The following FILIP1 variants were observed in gnomAD, a reference collection of about 807,000 sequenced individuals.
The protein encoded by FILIP1 is filamin-A-interacting protein 1.
Under a neutral mutation model 102.1 loss-of-function variants are expected in FILIP1, and 61 were observed. The ratio of observed to expected loss-of-function variants is 0.60; its 90% confidence interval spans 0.49 to 0.74. The LOEUF (loss-of-function observed/expected upper bound fraction) is 0.74, where lower values mean the gene tolerates loss of function less well. Among genes scored for constraint, FILIP1 ranks in the 30% least tolerant of loss-of-function variants. The pLI is 0.00. For missense variants in FILIP1, 1,314 were observed against 1,441.2 expected (o/e 0.91, Z 1.43); for synonymous variants, 491 against 526.9 (o/e 0.93, Z 0.93).
rs112576613 is a variant in FILIP1 at position 75,324,150 on chromosome 6, G to A, written c.630-8948C>T. Reference sequence around the variant, plus strand: ...GATCCTATACCTAGAAAATCCTAAAGACTCATCCAGAAAGCTTCTAGATCT... The same window carrying A: ...GATCCTATACCTAGAAAATCCTAAAAACTCATCCAGAAAGCTTCTAGATCT... On this transcript the variant is annotated intron_variant, in intron 4 of 5. Transcript: ENST00000237172. 4.7e-3 allele frequency among the ~76,000 whole-genome samples: 718 copies of A among 152,092 alleles called. 12 individuals are homozygous for A. The highest frequency in any genetic ancestry group is 0.016 in the African/African-American group (680 of 41,488).
intron 4 of FILIP1, among the ~76,000 whole-genome samples, chr6:75,316,648 G>A (rs1773458958): frequency 6.6e-6 from 1 of 152,076 alleles, no homozygotes; most frequent in Admixed American, 6.5e-5. Flanking sequence ...TTTTTTCATA[G>A]AATTTACTTT....
At chr6:75,318,080 C>CA (rs1412290580) in intron 4 of FILIP1, among the ~76,000 whole-genome samples, 4 of 151,024 alleles carry the variant, frequency 2.6e-5, no homozygotes, top group African/African-American at 9.7e-5. Context: ...CTCCCTGCTC[C>CA]TTTTTTTTTC....
At chr6:75,358,547 C>A (rs913070652) in intron 3 of FILIP1, 2 of 152,018 alleles carry the variant, frequency 1.3e-5, no homozygotes, top group African/African-American at 4.8e-5. Context: ...GGGGGCCCTT[C>A]CCGTGAAGAC....
At position 75,441,570 on chromosome 6, in the gene FILIP1, C is replaced by T. The variant is rs550767467; in HGVS notation, c.-6-26592G>A. Among the ~76,000 whole-genome samples the T allele has an allele frequency of 3.8e-4, 57 of 151,958 alleles. No homozygotes were observed. In the South Asian group the frequency reaches 0.011, roughly 29 times the overall value. On this transcript the variant is annotated intron_variant, in intron 1 of 5. Transcript: ENST00000237172. The stretch of plus-strand genomic sequence containing the variant: ...CAGTAGGGGCGGCCGGGCAGAGGCG[C>T]CCCTCTCCTCCCGGACGGGGCGGCT...
rs550331660 is a variant in FILIP1 at position 75,389,397 on chromosome 6, A to T, written c.276+25300T>A. Among the ~76,000 whole-genome samples, 14 of 152,310 alleles carry T rather than the reference A, an allele frequency of 9.2e-5. No homozygotes were observed. The South Asian group carries it at 2.9e-3, about 32-fold the overall frequency. On this transcript the variant is annotated intron_variant, in intron 2 of 5. Transcript: ENST00000237172. The stretch of plus-strand genomic sequence containing the variant: ...TGATGGTGGCCTCATAAAATGAGTT[A>T]CGAAGGAGTCCCTCTTTTTCTATTG...
Position 75,489,060 on chromosome 6 carries a change from TTAATAA to T in FILIP1, c.-7+4348_-7+4353del, listed in dbSNP as rs555584152. ...AGGAGAGAAATAAAGAATGATAAAT[TTAATAA>T]TGTGTTCTTGCATGGAGGAGGAAGT... On this transcript the variant is annotated intron_variant, in intron 1 of 5. Coordinates refer to ENST00000237172, the MANE Select transcript of FILIP1 (RefSeq NM_015687.5). 2.4e-4 allele frequency among the ~76,000 whole-genome samples: 36 copies of T among 152,236 alleles called. No homozygotes were observed. The South Asian group carries it at 7.5e-3, about 32-fold the overall frequency.
intron 1 of FILIP1, among the ~76,000 whole-genome samples, chr6:75,470,173 G>C (rs1779288736): frequency 6.6e-6 from 1 of 151,782 alleles, no homozygotes; most frequent in Non-Finnish European, 1.5e-5. Context: ...ATAATCAAAG[G>C]AAAAACTTCT....
intron 1 of FILIP1, among the ~76,000 whole-genome samples, chr6:75,463,235 TC>T (rs1779075482): frequency 2.0e-5 from 3 of 152,246 alleles, no homozygotes; most frequent in Admixed American, 6.5e-5. Flanking sequence ...TACCCCCCTT[TC>T]CCTAACTTCT....
chr6:75,460,936 C>A (rs1340413057), intron 1 of FILIP1, among the ~76,000 whole-genome samples: 1 of 152,116 alleles, frequency 6.6e-6, no homozygotes, highest in Non-Finnish European at 1.5e-5. Flanking sequence ...TGATTTGTAA[C>A]AAAACGTTTA....
intron 1 of FILIP1, among the ~76,000 whole-genome samples, chr6:75,423,318 G>A (rs1777528062): frequency 6.6e-6 from 1 of 152,040 alleles, no homozygotes. Flanking sequence ...CAATAGCATT[G>A]AACCATTTCT....
Position 75,414,721 on chromosome 6 carries a change from G to GAGTA in FILIP1, c.248_251dup (p.Ser85ThrfsTer26), listed in dbSNP as rs752141570. On this transcript the variant is annotated frameshift_variant, in exon 2 of 6. Transcript: ENST00000237172. LOFTEE classifies it high-confidence loss of function. ...CCTGCAACTCCCCTTCCATTATACT[G>GAGTA]AGTAGTTGGATGAGGTCTTCTTTGG... The GAGTA allele has an allele frequency of 2.5e-5, 40 of 1,613,510 alleles. No homozygotes were observed. The highest frequency in any genetic ancestry group is 3.2e-5 in the Non-Finnish European group (38 of 1,179,694).
At position 75,415,759 on chromosome 6, in the gene FILIP1, G is replaced by C. The variant is rs1287803582; in HGVS notation, c.-6-781C>G. On this transcript the variant is annotated intron_variant, in intron 1 of 5. Coordinates refer to ENST00000237172, the MANE Select transcript of FILIP1 (RefSeq NM_015687.5). Reference sequence around the variant, plus strand: ...AATTTCAAAATCAAAACTTAAAACAGTATTTTGAGGTAAAATAAGGAAAAA... The same window carrying C: ...AATTTCAAAATCAAAACTTAAAACACTATTTTGAGGTAAAATAAGGAAAAA... 2.0e-5 allele frequency among the ~76,000 whole-genome samples: 3 copies of C among 152,036 alleles called. No homozygotes were observed. In the East Asian group the frequency reaches 5.8e-4, roughly 29 times the overall value.
intron 4 of FILIP1, among the ~76,000 whole-genome samples, chr6:75,337,348 C>A (rs188117287): frequency 6.6e-6 from 1 of 152,112 alleles, no homozygotes; most frequent in Non-Finnish European, 1.5e-5. Context: ...GCATCATGAC[C>A]TGACCAAGTG....
chr6:75,374,215 A>G (rs1228773863), intron 2 of FILIP1, among the ~76,000 whole-genome samples: 1 of 152,144 alleles, frequency 6.6e-6, no homozygotes, highest in African/African-American at 2.4e-5. Flanking sequence ...AGGTTCCCCC[A>G]TGCAGTGCTA....
chr6:75,319,801 G>T, intron 4 of FILIP1: 2 of 336,922 alleles, frequency 5.9e-6, no homozygotes, highest in Non-Finnish European at 1.1e-5. Context: ...CTGCACTCCA[G>T]CCTGGGCAAC....
intron 1 of FILIP1, among the ~76,000 whole-genome samples, chr6:75,479,828 C>T (rs887114469): frequency 7.3e-6 from 1 of 137,374 alleles, no homozygotes; most frequent in Non-Finnish European, 1.5e-5. Context: ...AAGATCGTAC[C>T]GCTACACTCC....
intron 4 of FILIP1, among the ~76,000 whole-genome samples, chr6:75,323,970 AT>A (rs1773747633): frequency 6.6e-6 from 1 of 152,112 alleles, no homozygotes; most frequent in Non-Finnish European, 1.5e-5. Flanking sequence ...TTTCACCATG[AT>A]TATAAGTTTC....
intron 2 of FILIP1, among the ~76,000 whole-genome samples, chr6:75,370,309 G>A (rs61134810): frequency 0.011 from 1,694 of 152,250 alleles, 38 homozygotes; most frequent in African/African-American, 0.039. Flanking sequence ...GAGCTGCTGT[G>A]AGGACTGTGA....
rs180910702 is a variant in FILIP1, at chr6:75,319,379, G to C, written c.630-4177C>G. The C allele has an allele frequency of 4.3e-5, 27 of 626,936 alleles. No homozygotes were observed. The East Asian group carries it at 7.1e-4, about 16-fold the overall frequency. 38.8% of individuals were successfully genotyped at this position (626,936 alleles called of 1,614,324 possible). Reference sequence around the variant, plus strand: ...TGAAAAAGGCCGAAGGAGAGCTCTTGGGTGCCCTGGAGTCCTTGAACTTCT... The same window carrying C: ...TGAAAAAGGCCGAAGGAGAGCTCTTCGGTGCCCTGGAGTCCTTGAACTTCT... On this transcript the variant is annotated intron_variant, in intron 4 of 5. Coordinates refer to ENST00000237172, the MANE Select transcript of FILIP1 (RefSeq NM_015687.5).
Sources: allele counts gnomAD v4.1 joint callset (sites outside exome capture counted in the v4.1 genomes callset), GRCh38; gene constraint gnomAD v4.1.1; transcripts MANE v1.5; gene names NCBI Gene and HGNC (gene_info 2026-07-23, HGNC 2026-07-21).